MCM2: variants seen among roughly 807,000 people sequenced by gnomAD.
MCM2 encodes DNA replication licensing factor MCM2.
MCM2 carries 49 observed loss-of-function variants against 86.4 expected under a neutral mutation model. That is an observed-to-expected ratio of 0.57 (90% CI 0.45 to 0.72). The LOEUF (loss-of-function observed/expected upper bound fraction) is 0.72, where lower values mean the gene tolerates loss of function less well. Ranked by LOEUF, MCM2 falls within the 30% of genes least tolerant of loss-of-function variation. The pLI is 0.00. For missense variants in MCM2, 1,038 were observed against 1,259.9 expected, an observed-to-expected ratio of 0.82 and a Z score of 2.67; for synonymous variants, 475 against 484.6, an observed-to-expected ratio of 0.98 and a Z score of 0.26.
intron 8 of MCM2, among the ~76,000 whole-genome samples, chr3:127,613,077 T>G (rs990754733): frequency 6.6e-6 from 1 of 152,200 alleles, no homozygotes; most frequent in African/African-American, 2.4e-5. Flanking sequence ...AGTGTAGGCA[T>G]TCACACATTT....
rs2074471988 is a variant in MCM2, at chr3:127,620,833, A to C, written c.2401A>C (p.Ser801Arg). Reference sequence around the variant, plus strand: ...CATGGCCATCCGCGTGATGCTGGAGAGCTTCATAGACACACAGAAGTTCAG... The same window carrying C: ...CATGGCCATCCGCGTGATGCTGGAGCGCTTCATAGACACACAGAAGTTCAG... ...VNMAIRVMLE[S>R]FIDTQKFSVM... Residue 801 changes from serine (S) to arginine (R), a missense_variant, in exon 14 of 16, where the codon AGC becomes CGC. Transcript: ENST00000265056. 6.2e-7 allele frequency: 1 copy of C among 1,613,450 alleles called. No homozygotes were observed. Among genetic ancestry groups the C allele is most frequent in the South Asian group, 1.1e-5 (1 of 91,006 alleles).
chr3:127,603,984 G>T (rs1256020259), intron 2 of MCM2, among the ~76,000 whole-genome samples: 1 of 152,090 alleles, frequency 6.6e-6, no homozygotes, highest in African/African-American at 2.4e-5. Context: ...TACAGATGGG[G>T]TCTCACTATG....
rs753889372 is a variant in MCM2 at position 127,617,341 on chromosome 3, G to A, written c.1836G>A (p.Ser612=). Residue 612 remains serine, a synonymous_variant, in exon 11 of 16, where the codon TCG becomes TCA. Transcript: ENST00000265056. The surrounding 1 kb of genome is among the most constrained non-coding windows in gnomAD (Gnocchi z 4.1). ...TGGAGCAACAGAGCATCTCCATCTC[G>A]AAGGCTGGCATCGTCACCTCCCTGC... ...EAMEQQSISI[S]KAGIVTSLQA... is the part of the protein sequence containing the mutation. The A allele has an allele frequency of 7.4e-6, 12 of 1,614,118 alleles. No individual in the cohort carries two copies. The highest frequency in any genetic ancestry group is 6.7e-5 in the East Asian group (3 of 44,878).
At position 127,620,766 on chromosome 3, in the gene MCM2, G is replaced by T. The variant is rs765979449; in HGVS notation, c.2334G>T (p.Ala778=). 1.2e-6 allele frequency: 2 copies of T among 1,614,036 alleles called. No individual in the cohort carries two copies. The highest frequency in any genetic ancestry group is 3.3e-5 in the Admixed American group (2 of 60,018). ...TGATCCGCATGGCGGAGGCCCACGC[G>T]CGCATCCATCTGCGGGACTATGTGA... ...ESMIRMAEAH[A]RIHLRDYVIE... Residue 778 remains alanine (A), a synonymous_variant, in exon 14 of 16, where the codon GCG becomes GCT. Transcript: ENST00000265056.
At position 127,617,613 on chromosome 3, in the gene MCM2, G is replaced by A. The variant is rs1360602688; in HGVS notation, c.1900+208G>A. On this transcript the variant is annotated intron_variant, in intron 11 of 15. Transcript: ENST00000265056. This position sits in a 1 kb window ranked among gnomAD's most constrained non-coding sequence, Gnocchi z 4.1. Reference sequence around the variant, plus strand: ...GGGTTTCCTGTTGAGTCATGTTCCTGGAATCACCTTGGATGTTCTCAGAAG... The same window carrying A: ...GGGTTTCCTGTTGAGTCATGTTCCTAGAATCACCTTGGATGTTCTCAGAAG... 3 of 650,924 alleles carry A rather than the reference G, an allele frequency of 4.6e-6. No homozygotes were observed. Among genetic ancestry groups the A allele is most frequent in the Non-Finnish European group, 7.8e-6 (3 of 385,424 alleles). The allele number at this position is 650,924 out of a possible 1,614,324, so 40.3% of individuals were successfully genotyped here. A position where few individuals can be genotyped will look rare whatever the true frequency, so the allele number is the denominator to read the frequency against.
Position 127,608,534 on chromosome 3 carries a change from G to A in MCM2, c.1236+18G>A, listed in dbSNP as rs968451234. On this transcript the variant is annotated intron_variant, in intron 7 of 15. Transcript: ENST00000265056. ...ACGAGATAGTAAGTGGCCGGGGCAG[G>A]CTGGGAGGGAGCCAAGTTGCAGAGG... The A allele has an allele frequency of 6.2e-7, 1 of 1,613,502 alleles. No individual in the cohort carries two copies. Among genetic ancestry groups the A allele is most frequent in the Non-Finnish European group, 8.5e-7 (1 of 1,179,706 alleles).
At position 127,617,175 on chromosome 3, in the gene MCM2, C is replaced by T; in HGVS notation, c.1773+57C>T. ...CTCAGGGGGTGTGTGTGGGCTTGGG[C>T]CTTAGCGACGGGAATGGTGTTAATG... On this transcript the variant is annotated intron_variant, in intron 10 of 15. Coordinates refer to ENST00000265056, the MANE Select transcript of MCM2 (RefSeq NM_004526.4). This position sits in a 1 kb window ranked among gnomAD's most constrained non-coding sequence, Gnocchi z 4.1. 1 of 1,603,834 alleles carries T rather than the reference C, an allele frequency of 6.2e-7. No homozygotes were observed. The highest frequency in any genetic ancestry group is 8.5e-7 in the Non-Finnish European group (1 of 1,173,434).
intron 8 of MCM2, among the ~76,000 whole-genome samples, chr3:127,613,329 A>C (rs2074412698): frequency 6.6e-6 from 1 of 152,224 alleles, no homozygotes; most frequent in Non-Finnish European, 1.5e-5. Flanking sequence ...GTGTTGGGGC[A>C]TGAGAGGTCC....
chr3:127,602,183 G>A (rs966933840), intron 2 of MCM2, among the ~76,000 whole-genome samples: 1 of 44,106 alleles, frequency 2.3e-5, no homozygotes, highest in Non-Finnish European at 4.5e-5. Context: ...TTTTTTTTTT[G>A]TATGAACCAA....
At chr3:127,611,479 C>T (rs1001897401) in intron 8 of MCM2, among the ~76,000 whole-genome samples, 6 of 152,244 alleles carry the variant, frequency 3.9e-5, no homozygotes, top group Non-Finnish European at 5.9e-5. Flanking sequence ...GGCATCTGCC[C>T]GGGCCATCCC....
chr3:127,616,826 T>C, intron 9 of MCM2, 42 bp from the exon 10 acceptor site: 1 of 1,595,350 alleles, frequency 6.3e-7, no homozygotes, highest in South Asian at 1.1e-5. Flanking sequence ...CTCCTCTCAC[T>C]TCCCACTCTC....
chr3:127,606,117 G>T lies in MCM2; in HGVS notation c.674-1G>T. The T allele has an allele frequency of 1.2e-6, 2 of 1,613,602 alleles. No homozygotes were observed. The highest frequency in any genetic ancestry group is 1.7e-6 in the Non-Finnish European group (2 of 1,179,500). ...TCTCTTCCCACTGTGCCCCCTTCTA[G>T]AGAACCGTGAGAGCCTGGTGGTGAA... On this transcript the variant is annotated splice_acceptor_variant, in intron 4 of 15. Coordinates refer to ENST00000265056, the MANE Select transcript of MCM2 (RefSeq NM_004526.4). LOFTEE classifies it high-confidence loss of function. This position sits in a 1 kb window ranked among gnomAD's most constrained non-coding sequence, Gnocchi z 4.2.
At chr3:127,610,845 A>G (rs188943643) in intron 8 of MCM2, 4 of 456,728 alleles carry the variant, frequency 8.8e-6, no homozygotes, top group East Asian at 6.9e-5. Context: ...GCTCTTGGCC[A>G]TCGAACCTAG....
At position 127,615,704 on chromosome 3, in the gene MCM2, G is replaced by A. The variant is rs369671289; in HGVS notation, c.1429-158G>A. On this transcript the variant is annotated intron_variant, in intron 8 of 15. Coordinates refer to ENST00000265056, the MANE Select transcript of MCM2 (RefSeq NM_004526.4). ...CCAACTAATGAAAAGCTTTAGAGTC[G>A]GGCACGGCTTGATACCAGGGCCTGA... 2.6e-5 allele frequency among the ~76,000 whole-genome samples: 4 copies of A among 152,166 alleles called. No individual in the cohort carries two copies. In the South Asian group the frequency reaches 6.2e-4, roughly 24 times the overall value.
At chr3:127,613,006 T>C (rs1198305984) in intron 8 of MCM2, among the ~76,000 whole-genome samples, 1 of 152,146 alleles carries the variant, frequency 6.6e-6, no homozygotes, top group African/African-American at 2.4e-5. Context: ...TTTCCAGCCA[T>C]TAAATTAGCC....
chr3:127,611,791 C>T (rs1046296673), intron 8 of MCM2, among the ~76,000 whole-genome samples: 3 of 129,558 alleles, frequency 2.3e-5, no homozygotes, highest in Admixed American at 8.2e-5. Context: ...CTCCGCCTCC[C>T]GGGTTCACGC....
At position 127,620,863 on chromosome 3, in the gene MCM2, A is replaced by C. The variant is rs150230243; in HGVS notation, c.2431A>C (p.Met811Leu). The C allele has an allele frequency of 6.2e-7, 1 of 1,606,992 alleles. No homozygotes were observed. The highest frequency in any genetic ancestry group is 1.1e-5 in the South Asian group (1 of 90,492). Residue 811 changes from methionine to leucine, a missense_variant, in exon 14 of 16, where the codon ATG becomes CTG. Around this residue, in one of 4 missense-constraint regions of MCM2, gnomAD observed 336 missense variants for 425.7 expected, o/e 0.79. Coordinates refer to ENST00000265056, the MANE Select transcript of MCM2 (RefSeq NM_004526.4). ...CATAGACACACAGAAGTTCAGCGTC[A>C]TGCGCAGCATGCGCAAGGTGGGTGT... ...SFIDTQKFSV[M>L]RSMRKTFARY...
intron 8 of MCM2, among the ~76,000 whole-genome samples, chr3:127,609,464 ATGG>A (rs1305823982): frequency 6.6e-6 from 1 of 152,002 alleles, no homozygotes; most frequent in Non-Finnish European, 1.5e-5. Context: ...ACAACCCAGA[ATGG>A]TGGTGTTTTT....
Position 127,621,017 on chromosome 3 carries a change from G to A in MCM2, c.2449-56G>A, listed in dbSNP as rs1339195066. On this transcript the variant is annotated intron_variant, in intron 14 of 15. Coordinates refer to ENST00000265056, the MANE Select transcript of MCM2 (RefSeq NM_004526.4). The stretch of plus-strand genomic sequence containing the variant: ...CCTGGGTGCTGGCACGTAGGGTAAA[G>A]GGAGTGTGGCAGGCGTAGTGGGAGC... The A allele has an allele frequency of 2.5e-6, 4 of 1,603,444 alleles. No individual in the cohort carries two copies. In the East Asian group the frequency reaches 6.7e-5, roughly 27 times the overall value.
Sources: allele counts gnomAD v4.1 joint callset (sites outside exome capture counted in the v4.1 genomes callset), GRCh38; gene constraint gnomAD v4.1.1; regional missense constraint gnomAD v4.1.1; non-coding constraint Gnocchi (gnomAD v3.1); transcripts MANE v1.5; gene names NCBI Gene and HGNC (gene_info 2026-07-23, HGNC 2026-07-21).